The following ELP4 variants were observed in gnomAD, a reference collection of about 807,000 sequenced individuals.
ELP4 encodes the protein elongator acetyltransferase complex subunit 4.
A neutral mutation model predicts 48.9 loss-of-function variants in ELP4; 51 were observed. The observed-to-expected ratio is 1.04, with a 90% CI of 0.83 to 1.32. The LOEUF is 1.32. Among genes scored for constraint, ELP4 ranks in the 40% most tolerant of loss-of-function variants. ELP4 has a pLI of 0.00. For missense variants in ELP4, 519 were observed against 514.6 expected, an observed-to-expected ratio of 1.01 and a Z score of -0.08; for synonymous variants, 210 against 189.2, an observed-to-expected ratio of 1.11 and a Z score of -0.90.
intron 3 of ELP4, among the ~76,000 whole-genome samples, chr11:31,549,146 T>C (rs369001328): frequency 6.6e-6 from 1 of 151,318 alleles, no homozygotes; most frequent in Non-Finnish European, 1.5e-5. Flanking sequence ...GGGATCTAAT[T>C]AAACTAAAGA....
rs191899306 is a variant in ELP4 at position 31,670,075 on chromosome 11, G to T, written c.1143+19854G>T. 1.6e-4 allele frequency among the ~76,000 whole-genome samples: 25 copies of T among 152,044 alleles called. No homozygotes were observed. In the East Asian group the frequency reaches 4.6e-3, roughly 28 times the overall value. ...TAAATCTTTGGCATATGCAAAACTC[G>T]ACTTTTTAATGATGAGTTTGTTACT... On this transcript the variant is annotated intron_variant, in intron 9 of 9. Coordinates refer to ENST00000640961, the MANE Select transcript of ELP4 (RefSeq NM_019040.5).
chr11:31,634,262 A>T (rs890777179), intron 7 of ELP4: 125 of 152,048 alleles, frequency 8.2e-4, no homozygotes, highest in African/African-American at 2.9e-3. Context: ...CATATTTATT[A>T]AGAGAAAATT....
intron 9 of ELP4, among the ~76,000 whole-genome samples, chr11:31,664,725 T>C (rs1945635139): frequency 6.6e-6 from 1 of 152,122 alleles, no homozygotes; most frequent in Non-Finnish European, 1.5e-5. Flanking sequence ...GAAGGAAAGA[T>C]ACTAAAAATT....
chr11:31,601,758 T>C (rs1254974403), intron 4 of ELP4, among the ~76,000 whole-genome samples: 1 of 152,156 alleles, frequency 6.6e-6, no homozygotes, highest in Non-Finnish European at 1.5e-5. Context: ...ATGGCCAGTC[T>C]GCTAAAATAG....
chr11:31,686,579 G>A (rs1314584614), intron 9 of ELP4, among the ~76,000 whole-genome samples: 1 of 152,118 alleles, frequency 6.6e-6, no homozygotes. Flanking sequence ...TCAGATTTGT[G>A]TTTTAGAAGT....
chr11:31,613,711 A>G, intron 5 of ELP4, among the ~76,000 whole-genome samples: 1 of 150,364 alleles, frequency 6.7e-6, no homozygotes, highest in African/African-American at 2.4e-5. Flanking sequence ...ATGATGAACA[A>G]GAGTCTTTTT....
intron 9 of ELP4, among the ~76,000 whole-genome samples, chr11:31,738,935 G>A (rs749889679): frequency 2.0e-4 from 31 of 152,042 alleles, no homozygotes; most frequent in Admixed American, 4.6e-4. Flanking sequence ...AAAATGAGGC[G>A]TTGCTGTTCA....
chr11:31,628,898 A>G (rs1292818289), intron 6 of ELP4, among the ~76,000 whole-genome samples: 1 of 152,104 alleles, frequency 6.6e-6, no homozygotes, highest in East Asian at 1.9e-4. Context: ...ATAAGGCACT[A>G]CTTCAAAAAA....
At chr11:31,749,423 A>G (rs907302004) in intron 9 of ELP4, among the ~76,000 whole-genome samples, 1 of 152,218 alleles carries the variant, frequency 6.6e-6, no homozygotes, top group Admixed American at 6.5e-5. Context: ...GCTGTTATAT[A>G]TGGCCCTATA....
At chr11:31,658,897 TTTCTCTTTTGCAAAAAGC>T (rs1945494683) in intron 9 of ELP4, among the ~76,000 whole-genome samples, 1 of 152,052 alleles carries the variant, frequency 6.6e-6, no homozygotes. Flanking sequence ...AAGAGCTATT[TTTCTCTTTTGCAAAAAGC>T]TTGATTTGCT....
chr11:31,655,028 G>C (rs1202058244), intron 9 of ELP4, among the ~76,000 whole-genome samples: 2 of 151,868 alleles, frequency 1.3e-5, no homozygotes, highest in South Asian at 2.1e-4. Flanking sequence ...GAAAATCAAA[G>C]TTGAACATAG....
At chr11:31,722,114 A>T (rs1030999613) in intron 9 of ELP4, among the ~76,000 whole-genome samples, 9 of 152,238 alleles carry the variant, frequency 5.9e-5, no homozygotes, top group Non-Finnish European at 1.2e-4. Context: ...CATACATAAT[A>T]TTTCAAATAT....
chr11:31,774,863 T>A (rs1334941321), intron 9 of ELP4, among the ~76,000 whole-genome samples: 1 of 152,196 alleles, frequency 6.6e-6, no homozygotes, highest in East Asian at 1.9e-4. Flanking sequence ...GCTTAAGTAA[T>A]GTAGAAGTTC....
intron 9 of ELP4, chr11:31,714,952 G>A (rs114009208): frequency 2.3e-5 from 9 of 396,482 alleles, no homozygotes; most frequent in African/African-American, 1.8e-4. Flanking sequence ...TCTTTGCCAT[G>A]TAAGGTAACA....
intron 9 of ELP4, among the ~76,000 whole-genome samples, chr11:31,722,632 C>T (rs891370224): frequency 5.3e-5 from 8 of 151,802 alleles, no homozygotes; most frequent in African/African-American, 1.9e-4. Flanking sequence ...AATACTAAAA[C>T]ATGAACTTTT....
intron 9 of ELP4, among the ~76,000 whole-genome samples, chr11:31,717,646 C>T (rs570081176): frequency 3.7e-4 from 56 of 151,538 alleles, no homozygotes; most frequent in African/African-American, 1.2e-3. Context: ...CTCAGCTACT[C>T]GGGAGGCTGA....
chr11:31,650,470 A>T (rs2134073923), intron 9 of ELP4: 2 of 327,394 alleles, frequency 6.1e-6, no homozygotes, highest in Middle Eastern at 8.5e-4. Flanking sequence ...TAAGCTCCAA[A>T]CTTACATGAT....
chr11:31,727,338 TTTA>T (rs1565128829), intron 9 of ELP4, among the ~76,000 whole-genome samples: 1 of 152,138 alleles, frequency 6.6e-6, no homozygotes, highest in African/African-American at 2.4e-5. Context: ...GAGATCTTGA[TTTA>T]TTGGCTCAGA....
rs77006787 is a variant in ELP4 at position 31,777,104 on chromosome 11, G to A, written c.1144-6289G>A. Among the ~76,000 whole-genome samples the A allele has an allele frequency of 5.0e-4, 76 of 152,034 alleles. 2 individuals are homozygous for A. The East Asian group carries it at 0.014, about 28-fold the overall frequency. ...CAATATAATATTACATTGTAATAAT[G>A]TAATAATTAGGGAGTACTACAAATA... On this transcript the variant is annotated intron_variant, in intron 9 of 9. Transcript: ENST00000640961.
Sources: allele counts gnomAD v4.1 joint callset (sites outside exome capture counted in the v4.1 genomes callset), GRCh38; gene constraint gnomAD v4.1.1; transcripts MANE v1.5; gene names NCBI Gene and HGNC (gene_info 2026-07-23, HGNC 2026-07-21).